The following KCND2 variants were observed in gnomAD, a reference collection of about 807,000 sequenced individuals.
KCND2 encodes potassium voltage-gated channel subfamily D member 2.
In KCND2, 16 loss-of-function variants were observed where a neutral mutation model predicts 54.4. That is an observed-to-expected ratio of 0.29 (90% confidence interval 0.20 to 0.45). The LOEUF is 0.45. KCND2 is among the 20% of genes least tolerant of loss of function. The pLI is 1.00. For synonymous variants in KCND2, 317 were observed against 310.7 expected (o/e 1.02, Z -0.21); for missense variants, 486 against 824.2 (o/e 0.59, Z 5.02).
At chr7:120,508,583 T>C (rs978414620) in intron 1 of KCND2, among the ~76,000 whole-genome samples, 4 of 151,994 alleles carry the variant, frequency 2.6e-5, no homozygotes, top group Admixed American at 1.3e-4. Context: ...AAATGATTGC[T>C]CTAGTACCTT....
chr7:120,387,920 T>C (rs1239415024), intron 1 of KCND2, among the ~76,000 whole-genome samples: 2 of 152,042 alleles, frequency 1.3e-5, no homozygotes, highest in Non-Finnish European at 1.5e-5. Flanking sequence ...CAAATCAACA[T>C]AAATTTATAT....
intron 1 of KCND2, among the ~76,000 whole-genome samples, chr7:120,687,033 T>A (rs1432874642): frequency 2.0e-5 from 3 of 152,174 alleles, no homozygotes; most frequent in African/African-American, 7.2e-5. Flanking sequence ...TGTGTTTGTG[T>A]GTGGAGGGGT....
intron 1 of KCND2, among the ~76,000 whole-genome samples, chr7:120,622,566 C>T (rs1179950127): frequency 6.6e-6 from 1 of 151,614 alleles, no homozygotes; most frequent in African/African-American, 2.4e-5. Flanking sequence ...TACCGCAACT[C>T]CACATAATAT....
chr7:120,500,805 A>T (rs1802920548), intron 1 of KCND2, among the ~76,000 whole-genome samples: 2 of 149,930 alleles, frequency 1.3e-5, no homozygotes, highest in African/African-American at 4.9e-5. Context: ...ATATTTATTT[A>T]TATTATATAT....
At chr7:120,397,991 GTGTGTATATATATA>G (rs1474883246) in intron 1 of KCND2, among the ~76,000 whole-genome samples, 3 of 37,842 alleles carry the variant, frequency 7.9e-5, no homozygotes, top group African/African-American at 2.0e-4. Flanking sequence ...GTGTGTGTGT[GTGTGTATATATATA>G]TATATATATA....
chr7:120,733,793 A>G (rs1792838208), intron 2 of KCND2, among the ~76,000 whole-genome samples: 1 of 152,144 alleles, frequency 6.6e-6, no homozygotes. Context: ...AAGAATAAGC[A>G]TAGCGTACAC....
intron 1 of KCND2, among the ~76,000 whole-genome samples, chr7:120,582,067 T>C (rs1344210087): frequency 6.6e-6 from 1 of 152,152 alleles, no homozygotes; most frequent in African/African-American, 2.4e-5. Flanking sequence ...CCTTCAGTCC[T>C]TTTAATATTT....
At chr7:120,612,306 C>A (rs1792966493) in intron 1 of KCND2, among the ~76,000 whole-genome samples, 1 of 152,154 alleles carries the variant, frequency 6.6e-6, no homozygotes, top group Non-Finnish European at 1.5e-5. Context: ...GAAACAAAGA[C>A]CTAATGTTGT....
At chr7:120,543,310 A>G (rs879596496) in intron 1 of KCND2, among the ~76,000 whole-genome samples, 4 of 151,580 alleles carry the variant, frequency 2.6e-5, no homozygotes, top group African/African-American at 9.7e-5. Context: ...ATTTTTCCCC[A>G]GCAGAGCATG....
intron 1 of KCND2, among the ~76,000 whole-genome samples, chr7:120,554,680 T>C (rs1792141710): frequency 6.6e-6 from 1 of 152,164 alleles, no homozygotes. Context: ...AGTGCTGGGA[T>C]TACAGGCGTG....
At chr7:120,561,005 G>T (rs1298308229) in intron 1 of KCND2, among the ~76,000 whole-genome samples, 2 of 152,118 alleles carry the variant, frequency 1.3e-5, no homozygotes, top group Non-Finnish European at 1.5e-5. Context: ...ACATTACTGC[G>T]ATTTTGCAAA....
intron 1 of KCND2, among the ~76,000 whole-genome samples, chr7:120,637,157 G>C (rs1000034075): frequency 8.5e-5 from 13 of 152,072 alleles, no homozygotes; most frequent in African/African-American, 2.9e-4. Context: ...AAAAAAGTTT[G>C]CTAAATTTTG....
chr7:120,351,290 A>G (rs1407658681), intron 1 of KCND2, among the ~76,000 whole-genome samples: 2 of 144,668 alleles, frequency 1.4e-5, no homozygotes, highest in African/African-American at 5.1e-5. Flanking sequence ...TTCAGGTTAT[A>G]TATTATGTAT....
intron 1 of KCND2, among the ~76,000 whole-genome samples, chr7:120,621,651 T>A (rs1203764053): frequency 6.6e-6 from 1 of 152,204 alleles, no homozygotes; most frequent in Non-Finnish European, 1.5e-5. Flanking sequence ...TCTGATTTTT[T>A]AAATAAAAAA....
chr7:120,318,472 C>A (rs1193571547), intron 1 of KCND2, among the ~76,000 whole-genome samples: 1 of 152,056 alleles, frequency 6.6e-6, no homozygotes, highest in African/African-American at 2.4e-5. Flanking sequence ...TGTGCTGAAT[C>A]AATACTTTTA....
chr7:120,655,338 T>G (rs115259350), intron 1 of KCND2, among the ~76,000 whole-genome samples: 2,033 of 152,178 alleles, frequency 0.013, 33 homozygotes, highest in African/African-American at 0.039. Flanking sequence ...GAAGAATGTT[T>G]GAGCTACAGG....
intron 1 of KCND2, among the ~76,000 whole-genome samples, chr7:120,475,076 A>G (rs1802514379): frequency 6.6e-6 from 1 of 152,172 alleles, no homozygotes; most frequent in Non-Finnish European, 1.5e-5. Context: ...ATTTCACTCT[A>G]TGTGAAATGT....
intron 1 of KCND2, among the ~76,000 whole-genome samples, chr7:120,513,913 C>A (rs780479612): frequency 1.2e-4 from 18 of 152,036 alleles, no homozygotes; most frequent in African/African-American, 1.7e-4. Flanking sequence ...TTAAACCATG[C>A]CACTACTCTA....
chr7:120,550,833 G>C (rs1005898083), intron 1 of KCND2, among the ~76,000 whole-genome samples: 16 of 152,186 alleles, frequency 1.1e-4, no homozygotes, highest in African/African-American at 3.1e-4. Context: ...TCCCAAATAA[G>C]CACATGAATG....
Sources: allele counts gnomAD v4.1 joint callset (sites outside exome capture counted in the v4.1 genomes callset), GRCh38; gene constraint gnomAD v4.1.1; transcripts MANE v1.5; gene names NCBI Gene and HGNC (gene_info 2026-07-23, HGNC 2026-07-21).